The following PCDHA5 variants were observed in gnomAD, a reference collection of about 807,000 sequenced individuals.
PCDHA5 encodes protocadherin alpha 5.
A neutral mutation model predicts 61.6 loss-of-function variants in PCDHA5; 43 were observed. The observed-to-expected ratio is 0.70, with a 90% CI of 0.55 to 0.90. The LOEUF (loss-of-function observed/expected upper bound fraction) is 0.90. Ranked by LOEUF, PCDHA5 falls within the 40% of genes least tolerant of loss-of-function variation. The pLI, the probability that PCDHA5 is intolerant of heterozygous loss-of-function variation, is 0.00. For missense variants in PCDHA5, 1,298 were observed against 1,222.7 expected, an observed-to-expected ratio of 1.06 and a Z score of -0.92; for synonymous variants, 627 against 543.9, an observed-to-expected ratio of 1.15 and a Z score of -2.13.
intron 1 of PCDHA5, among the ~76,000 whole-genome samples, chr5:140,959,620 G>GA (rs1247214459): frequency 4.6e-5 from 7 of 151,966 alleles, no homozygotes; most frequent in African/African-American, 1.4e-4. Context: ...GCTTGTGATA[G>GA]AAAAAAAGAG....
intron 1 of PCDHA5, among the ~76,000 whole-genome samples, chr5:140,944,370 A>G (rs1554216325): frequency 6.6e-6 from 1 of 151,966 alleles, no homozygotes; most frequent in Admixed American, 6.6e-5. Flanking sequence ...AATTTTTTAT[A>G]GAGATGGAGT....
intron 3 of PCDHA5, among the ~76,000 whole-genome samples, chr5:140,983,479 G>A (rs1297150913): frequency 1.3e-5 from 2 of 152,194 alleles, no homozygotes; most frequent in Non-Finnish European, 2.9e-5. Context: ...GATAATAGTA[G>A]TTACTAATTA....
chr5:140,977,335 A>T (rs1341928835), intron 1 of PCDHA5, among the ~76,000 whole-genome samples: 19 of 152,322 alleles, frequency 1.2e-4, no homozygotes, highest in Admixed American at 1.1e-3. Context: ...GAGGGGAGAG[A>T]CGGTGATGAT....
chr5:140,868,356 T>A (rs1465427202), intron 1 of PCDHA5: 1 of 152,118 alleles, frequency 6.6e-6, no homozygotes, highest in Non-Finnish European at 1.5e-5. Flanking sequence ...AGAAAGCAAT[T>A]AAATGTAAAT....
Position 140,836,082 on chromosome 5 carries a change from G to A in PCDHA5, c.2352+11955G>A, listed in dbSNP as rs2150252202. On this transcript the variant is annotated intron_variant, in intron 1 of 3. Transcript: ENST00000529859. ...GAACGACAACGCGCCGGCACTGCTG[G>A]CGCCTCGGGTGGGTGGCACTGGTGG... 3.1e-6 allele frequency: 5 copies of A among 1,613,608 alleles called. No homozygotes were observed. The African/African-American group carries it at 5.3e-5, about 17-fold the overall frequency.
At chr5:140,931,035 C>A (rs2153606811) in intron 1 of PCDHA5, among the ~76,000 whole-genome samples, 1 of 152,250 alleles carries the variant, frequency 6.6e-6, no homozygotes, top group Non-Finnish European at 1.5e-5. Context: ...GTAGAGCTAG[C>A]AAGAAAAACT....
chr5:140,910,127 C>T (rs1323587900), intron 1 of PCDHA5, among the ~76,000 whole-genome samples: 5 of 152,202 alleles, frequency 3.3e-5, no homozygotes, highest in African/African-American at 1.2e-4. Context: ...GGTCTGTAAA[C>T]TGGTTTAAGT....
chr5:140,823,717 G>C lies in PCDHA5; in HGVS notation c.1942G>C (p.Val648Leu). The change falls in exon 1 of 4, where the codon GTG (valine) becomes CTG (leucine). Residue 648 changes from valine (V) to leucine (L), a missense_variant. By Grantham distance (32) the Val-to-Leu change is conservative (BLOSUM62 1). Transcript: ENST00000529859. Reference sequence around the variant, plus strand: ...CGAAGCACCGCGCCACCGCCTTCTGGTGCTGGTGAAGGACCATGGAGAGCC... The same window carrying C: ...CGAAGCACCGCGCCACCGCCTTCTGCTGCTGGTGAAGGACCATGGAGAGCC... ...ETEAPRHRLL[V>L]LVKDHGEPPL... 2 of 1,613,952 alleles carry C rather than the reference G, an allele frequency of 1.2e-6. No individual in the cohort carries two copies. The highest frequency in any genetic ancestry group is 1.7e-6 in the Non-Finnish European group (2 of 1,179,946).
At chr5:140,941,197 TTCTTC>T (rs1554213863) in intron 1 of PCDHA5, among the ~76,000 whole-genome samples, 1 of 112,110 alleles carries the variant, frequency 8.9e-6, no homozygotes. Context: ...TTTTTTTTCT[TTCTTC>T]CTTTCTTTCT....
rs1340886726 is a variant in PCDHA5, at chr5:140,874,290, G to A, written c.2352+50163G>A. Among the ~76,000 whole-genome samples, 3 of 152,146 alleles carry A rather than the reference G, an allele frequency of 2.0e-5. No homozygotes were observed. The East Asian group carries it at 5.8e-4, about 29-fold the overall frequency. On this transcript the variant is annotated intron_variant, in intron 1 of 3. Transcript: ENST00000529859. ...GTATTAATAGACTTACAAAATCTAT[G>A]TGTACTTGTTCACAATGAGTTGTAG...
At chr5:140,877,468 C>T in intron 1 of PCDHA5, 1 of 1,613,808 alleles carries the variant, frequency 6.2e-7, no homozygotes, top group Non-Finnish European at 8.5e-7. Context: ...GGCCACGGTG[C>T]TGGTGTCGCT....
At chr5:140,862,719 C>A (rs2047508176) in intron 1 of PCDHA5, 3 of 565,388 alleles carry the variant, frequency 5.3e-6, no homozygotes, top group Admixed American at 1.9e-5. Context: ...TGGGCGAGTG[C>A]GCGCTGTCTA....
chr5:140,945,182 A>G (rs2093754559), intron 1 of PCDHA5, among the ~76,000 whole-genome samples: 1 of 152,174 alleles, frequency 6.6e-6, no homozygotes, highest in Non-Finnish European at 1.5e-5. Context: ...ATAAATCAAG[A>G]AAACCATGCT....
At chr5:140,844,051 C>T (rs1562419039) in intron 1 of PCDHA5, among the ~76,000 whole-genome samples, 1 of 149,544 alleles carries the variant, frequency 6.7e-6, no homozygotes, top group Non-Finnish European at 1.5e-5. Context: ...AGTATTCCCC[C>T]AAAGCGTTTA....
intron 1 of PCDHA5, among the ~76,000 whole-genome samples, chr5:140,885,444 T>C (rs2060598536): frequency 1.3e-5 from 2 of 152,198 alleles, no homozygotes; most frequent in South Asian, 2.1e-4. Flanking sequence ...TGCAATTATA[T>C]ATTATTTACC....
At chr5:140,850,428 C>T (rs2150483973) in intron 1 of PCDHA5, 1 of 1,597,938 alleles carries the variant, frequency 6.3e-7, no homozygotes, top group Admixed American at 1.7e-5. Context: ...CGCACCGCGC[C>T]AGCGCCTACT....
At chr5:140,932,309 ATATAT>A (rs1441363335) in intron 1 of PCDHA5, among the ~76,000 whole-genome samples, 6 of 151,956 alleles carry the variant, frequency 3.9e-5, no homozygotes, top group Non-Finnish European at 8.8e-5. Context: ...AAAGGTATAA[ATATAT>A]TAATGTAGCA....
At chr5:140,842,199 T>G in intron 1 of PCDHA5, 1 of 1,613,772 alleles carries the variant, frequency 6.2e-7, no homozygotes, top group African/African-American at 1.3e-5. Context: ...ATTGACCACT[T>G]TAGCATAGAT....
intron 1 of PCDHA5, among the ~76,000 whole-genome samples, chr5:140,874,551 T>C (rs1418780563): frequency 6.6e-6 from 1 of 152,222 alleles, no homozygotes; most frequent in African/African-American, 2.4e-5. Flanking sequence ...CTTTAAGAGA[T>C]CTTTCGCATT....
Sources: allele counts gnomAD v4.1 joint callset (sites outside exome capture counted in the v4.1 genomes callset), GRCh38; gene constraint gnomAD v4.1.1; transcripts MANE v1.5; gene names NCBI Gene and HGNC (gene_info 2026-07-23, HGNC 2026-07-21).